Variants in SRSF11 observed in about 807,000 individuals in gnomAD.
SRSF11 encodes serine and arginine rich splicing factor 11.
In SRSF11, 9 loss-of-function variants were observed where a neutral mutation model predicts 56.0. That is an observed-to-expected ratio of 0.16 (90% CI 0.10 to 0.28). The LOEUF is 0.28. Among genes scored for constraint, SRSF11 ranks in the 10% least tolerant of loss-of-function variants. SRSF11 has a pLI of 1.00. For synonymous variants in SRSF11, 222 were observed against 215.3 expected, an observed-to-expected ratio of 1.03 and a Z score of -0.27; for missense variants, 421 against 600.7, an observed-to-expected ratio of 0.70 and a Z score of 3.13.
intron 7 of SRSF11, among the ~76,000 whole-genome samples, chr1:70,244,260 T>C (rs1676223429): frequency 6.6e-6 from 1 of 152,228 alleles, no homozygotes; most frequent in Non-Finnish European, 1.5e-5. Context: ...TATAGCGTGA[T>C]ATAAGTATTT....
intron 4 of SRSF11, 24 bp from the exon 5 acceptor site, chr1:70,235,477 T>G: frequency 6.3e-7 from 1 of 1,584,968 alleles, no homozygotes; most frequent in Non-Finnish European, 8.6e-7. Context: ...GTATTCTCAT[T>G]ATTCTTATGT....
At chr1:70,224,937 A>G (rs1671446210) in intron 1 of SRSF11, among the ~76,000 whole-genome samples, 2 of 152,150 alleles carry the variant, frequency 1.3e-5, no homozygotes, top group South Asian at 2.1e-4. Context: ...AACCTGGAGG[A>G]AAAAAATGTT....
intron 7 of SRSF11, 26 bp downstream of exon 7, chr1:70,239,546 A>T (rs1571855874): frequency 1.3e-6 from 2 of 1,482,752 alleles, no homozygotes; most frequent in East Asian, 4.6e-5. Flanking sequence ...AGTCAATTAT[A>T]CCTTAGACAA....
chr1:70,230,787 G>A, intron 2 of SRSF11: 1 of 1,172,092 alleles, frequency 8.5e-7, no homozygotes, highest in Middle Eastern at 3.9e-4. Flanking sequence ...TGTTGCAAAT[G>A]CACTAATTTG....
At chr1:70,241,777 A>AT (rs1675462556) in intron 7 of SRSF11, among the ~76,000 whole-genome samples, 1 of 152,216 alleles carries the variant, frequency 6.6e-6, no homozygotes, top group Non-Finnish European at 1.5e-5. Flanking sequence ...TTAATCTTCC[A>AT]TGACAGTGCT....
rs202160955 is a variant in SRSF11, at chr1:70,207,724, C to CTT, written c.-26+1960_-26+1961dup. ...CCCTACAATAGATTCTTCTTTCGTT[C>CTT]TTTTTTTTTTTTTTTTTAAGAGACC... On this transcript the variant is annotated intron_variant, in intron 1 of 12. Transcript: ENST00000370950. 4.1e-3 allele frequency among the ~76,000 whole-genome samples: 563 copies of CTT among 136,486 alleles called. 3 individuals carry two copies. The highest frequency in any genetic ancestry group is 0.013 in the African/African-American group (485 of 37,036). The allele number at this position is 136,486 out of a possible 152,430, so 89.5% of individuals were successfully genotyped here. A position where few individuals can be genotyped will look rare whatever the true frequency, so the allele number is the denominator to read the frequency against.
intron 7 of SRSF11, 72 bp downstream of exon 7, chr1:70,239,592 C>A: frequency 8.9e-7 from 1 of 1,118,606 alleles, no homozygotes; most frequent in Admixed American, 2.4e-5. Context: ...TTTTAATTTG[C>A]TGTTAATCTG....
At position 70,252,261 on chromosome 1, in the gene SRSF11, G is replaced by T. The variant is rs1282687076; in HGVS notation, c.*1456G>T. On this transcript the variant is annotated 3_prime_UTR_variant, in exon 12 of 12. Transcript: ENST00000370949. Reference sequence around the variant, plus strand: ...TGGGAATGGGGTTGGATAAAGCAATGAACTTTAGTATAAACAAATCCCACC... The same window carrying T: ...TGGGAATGGGGTTGGATAAAGCAATTAACTTTAGTATAAACAAATCCCACC... 2.6e-5 allele frequency: 4 copies of T among 152,062 alleles called. No individual in the cohort carries two copies. The highest frequency in any genetic ancestry group is 2.9e-5 in the Non-Finnish European group (2 of 67,964). The allele number at this position is 152,062 out of a possible 1,614,324, so 9.4% of individuals were successfully genotyped here.
At chr1:70,221,039 G>GT (rs1162769496), upstream of SRSF11, 7 of 151,994 alleles carry the variant, frequency 4.6e-5, no homozygotes, top group East Asian at 1.3e-3. Context: ...TCTTAGCTTG[G>GT]GTTTAAATAT....
At chr1:70,210,493 C>G (rs891804243) in intron 1 of SRSF11, among the ~76,000 whole-genome samples, 1 of 152,036 alleles carries the variant, frequency 6.6e-6, no homozygotes, top group Middle Eastern at 3.2e-3. Flanking sequence ...CAGGCAGATC[C>G]CATGAGTTCA....
chr1:70,225,588 A>G (rs1284487243), intron 1 of SRSF11, among the ~76,000 whole-genome samples: 1 of 152,158 alleles, frequency 6.6e-6, no homozygotes, highest in Non-Finnish European at 1.5e-5. Flanking sequence ...ATACCTTGTT[A>G]AGAATCTGGG....
chr1:70,218,149 C>T (rs971622515), upstream of SRSF11, among the ~76,000 whole-genome samples: 43 of 152,032 alleles, frequency 2.8e-4, no homozygotes, highest in Middle Eastern at 3.4e-3. Flanking sequence ...TTTGTATTTT[C>T]AGTAGAGATG....
chr1:70,207,035 C>T (rs1256615539), intron 1 of SRSF11, among the ~76,000 whole-genome samples: 1 of 151,680 alleles, frequency 6.6e-6, no homozygotes, highest in Non-Finnish European at 1.5e-5. Flanking sequence ...GGATTATAGC[C>T]GCGCACCACC....
In SRSF11 at chr1:70,221,532, C is replaced by G. The variant is rs571352860; in HGVS notation, c.-105C>G. On this transcript the variant is annotated 5_prime_UTR_variant, in exon 1 of 12. It adds an upstream start codon to the 5' untranslated region. Coordinates refer to ENST00000370949, the MANE Select transcript of SRSF11 (RefSeq NM_001350605.2). The stretch of plus-strand genomic sequence containing the variant: ...GCAGCAGTAGCAGAGGCTGTAGCAT[C>G]GGACACCCTCCTCTCTCCCGCAATC... The G allele has an allele frequency of 1.9e-4, 273 of 1,435,188 alleles. No homozygotes were observed. The African/African-American group carries it at 3.4e-3, about 18-fold the overall frequency. 88.9% of individuals were successfully genotyped at this position (1,435,188 alleles called of 1,614,324 possible).
At chr1:70,239,120 C>T (rs1206337591) in intron 6 of SRSF11, among the ~76,000 whole-genome samples, 1 of 152,120 alleles carries the variant, frequency 6.6e-6, no homozygotes, top group Admixed American at 6.6e-5. Flanking sequence ...TTTGAGGGGT[C>T]TCACTCTGTT....
At chr1:70,241,425 CCT>C (rs1287789173) in intron 7 of SRSF11, among the ~76,000 whole-genome samples, 1 of 151,936 alleles carries the variant, frequency 6.6e-6, no homozygotes, top group Non-Finnish European at 1.5e-5. Flanking sequence ...CTGTTTATTC[CCT>C]GTCACCCACC....
At chr1:70,227,863 A>G (rs1481584148) in intron 1 of SRSF11, among the ~76,000 whole-genome samples, 1 of 152,198 alleles carries the variant, frequency 6.6e-6, no homozygotes, top group Non-Finnish European at 1.5e-5. Flanking sequence ...AAAGTGCTCC[A>G]AGCCAGAAAT....
At chr1:70,206,152 C>T (rs891503085) in intron 1 of SRSF11, among the ~76,000 whole-genome samples, 1 of 152,146 alleles carries the variant, frequency 6.6e-6, no homozygotes, top group African/African-American at 2.4e-5. Context: ...ACATAGAAGA[C>T]AAAAACAAAA....
intron 6 of SRSF11, 96 bp from the exon 7 acceptor site, chr1:70,239,343 C>A: frequency 1.3e-6 from 1 of 793,350 alleles, no homozygotes; most frequent in Non-Finnish European, 2.0e-6. Context: ...GCTCCCACTT[C>A]AGCCTCTCAT....
Sources: gnomAD v4.1 joint callset for allele counts (sites outside exome capture counted in the v4.1 genomes callset) on GRCh38, gnomAD v4.1.1 for gene constraint, MANE v1.5 for transcripts, NCBI Gene and HGNC (gene_info 2026-07-23, HGNC 2026-07-21) for gene names.